Variants in AIG1 observed in about 807,000 individuals in gnomAD.
AIG1 encodes androgen induced 1.
A neutral mutation model predicts 31.4 loss-of-function variants in AIG1; 23 were observed. The ratio of observed to expected loss-of-function variants is 0.73; its 90% CI spans 0.53 to 1.04. AIG1 has a LOEUF of 1.04. Among genes scored for constraint, AIG1 ranks in the 50% least tolerant of loss-of-function variants. AIG1 has a pLI of 0.00. For synonymous variants in AIG1, 100 were observed against 110.5 expected, an observed-to-expected ratio of 0.90 and a Z score of 0.60; for missense variants, 274 against 295.0, an observed-to-expected ratio of 0.93 and a Z score of 0.52.
intron 2 of AIG1, among the ~76,000 whole-genome samples, chr6:143,156,333 G>GTTC (rs1427003106): frequency 2.2e-5 from 1 of 45,194 alleles, no homozygotes. Flanking sequence ...TAAGAACCAT[G>GTTC]GAGTATCTTC....
intron 1 of AIG1, among the ~76,000 whole-genome samples, chr6:143,062,023 A>T (rs551498619): frequency 2.0e-5 from 3 of 152,232 alleles, no homozygotes; most frequent in Admixed American, 1.3e-4. Context: ...AATTCCTGGG[A>T]CTCCCTGAAC....
In AIG1 at chr6:143,334,102, A is replaced by T. The variant is rs1399714631; in HGVS notation, c.679+657A>T. 1 of 1,550,454 alleles carries T rather than the reference A, an allele frequency of 6.4e-7. No individual in the cohort carries two copies. Among genetic ancestry groups the T allele is most frequent in the Admixed American group, 2.0e-5 (1 of 51,010 alleles). Reference sequence around the variant, plus strand: ...GAGCCTCCATCTTGGCAAGGCACGTAATCTTATCCAAGCTGTGCAAAACCT... The same window carrying T: ...GAGCCTCCATCTTGGCAAGGCACGTTATCTTATCCAAGCTGTGCAAAACCT... On this transcript the variant is annotated intron_variant, in intron 5 of 5. Coordinates refer to ENST00000357847, the MANE Select transcript of AIG1 (RefSeq NM_016108.4). This position sits in a 1 kb window ranked among gnomAD's most constrained non-coding sequence, Gnocchi z 5.1.
chr6:143,255,649 T>C (rs532410818), intron 3 of AIG1, among the ~76,000 whole-genome samples: 2 of 152,348 alleles, frequency 1.3e-5, no homozygotes, highest in East Asian at 3.9e-4. Context: ...TCACCCACAT[T>C]ATCCATGGGT....
At chr6:143,068,802 A>G (rs1168391596) in intron 1 of AIG1, among the ~76,000 whole-genome samples, 1 of 152,196 alleles carries the variant, frequency 6.6e-6, no homozygotes, top group South Asian at 2.1e-4. Context: ...ATATATGTAT[A>G]TGTGTGTTCA....
intron 2 of AIG1, among the ~76,000 whole-genome samples, chr6:143,157,067 C>A (rs1349953840): frequency 1.3e-5 from 2 of 152,116 alleles, no homozygotes; most frequent in Non-Finnish European, 1.5e-5. Context: ...GCAGACCTTG[C>A]TTAATTATCT....
intron 3 of AIG1, among the ~76,000 whole-genome samples, chr6:143,216,073 A>G (rs1331878969): frequency 1.3e-5 from 2 of 151,792 alleles, no homozygotes; most frequent in African/African-American, 4.9e-5. Flanking sequence ...CTTGTGATAT[A>G]TATAGCTAAA....
intron 3 of AIG1, among the ~76,000 whole-genome samples, chr6:143,182,082 T>C (rs1788781382): frequency 6.6e-6 from 1 of 152,108 alleles, no homozygotes; most frequent in South Asian, 2.1e-4. Flanking sequence ...CTGAAGTGCA[T>C]TGGTGCAGTC....
upstream of AIG1, among the ~76,000 whole-genome samples, chr6:143,059,546 A>G (rs966346150): frequency 2.0e-5 from 3 of 152,264 alleles, no homozygotes; most frequent in African/African-American, 7.2e-5. Context: ...CATCAATAAT[A>G]CATCGTTTTA....
chr6:143,195,336 A>C (rs1186197175), intron 3 of AIG1, among the ~76,000 whole-genome samples: 2 of 152,166 alleles, frequency 1.3e-5, no homozygotes, highest in Non-Finnish European at 2.9e-5. Context: ...CATACCAAAA[A>C]CTAGTTTAGG....
intron 2 of AIG1, among the ~76,000 whole-genome samples, chr6:143,160,171 A>G (rs564660667): frequency 1.3e-5 from 2 of 152,302 alleles, no homozygotes; most frequent in South Asian, 2.1e-4. Flanking sequence ...TCCAGCCTTT[A>G]TAGACCAATC....
intron 1 of AIG1, among the ~76,000 whole-genome samples, chr6:143,130,142 G>GA (rs1783082228): frequency 6.6e-6 from 1 of 151,726 alleles, no homozygotes; most frequent in Non-Finnish European, 1.5e-5. Context: ...TGTTGGCCAG[G>GA]ATAGTCTTGA....
At chr6:143,216,670 T>C (rs1258102026) in intron 3 of AIG1, among the ~76,000 whole-genome samples, 1 of 152,204 alleles carries the variant, frequency 6.6e-6, no homozygotes, top group African/African-American at 2.4e-5. Context: ...GAATGGCAAA[T>C]TGATTTCTCC....
intron 1 of AIG1, among the ~76,000 whole-genome samples, chr6:143,093,566 T>C (rs1779497034): frequency 6.6e-6 from 1 of 152,228 alleles, no homozygotes; most frequent in African/African-American, 2.4e-5. Flanking sequence ...TTCAATAACT[T>C]TTCCTTTGCA....
intron 1 of AIG1, among the ~76,000 whole-genome samples, chr6:143,065,442 T>C (rs1478360942): frequency 6.6e-6 from 1 of 151,674 alleles, no homozygotes; most frequent in African/African-American, 2.4e-5. Flanking sequence ...TCTTAGTCAA[T>C]ATCACAGCTG....
At chr6:143,194,753 T>A (rs998798755) in intron 3 of AIG1, among the ~76,000 whole-genome samples, 1 of 152,120 alleles carries the variant, frequency 6.6e-6, no homozygotes, top group African/African-American at 2.4e-5. Flanking sequence ...TCACGGCAGG[T>A]GGCCCCCAGC....
intron 2 of AIG1, among the ~76,000 whole-genome samples, chr6:143,157,694 A>T (rs1785932278): frequency 6.6e-6 from 1 of 151,944 alleles, no homozygotes; most frequent in Admixed American, 6.6e-5. Flanking sequence ...TATTTATTTC[A>T]TAAGTTCATT....
chr6:143,232,594 A>G (rs976660171), intron 3 of AIG1, among the ~76,000 whole-genome samples: 15 of 152,146 alleles, frequency 9.9e-5, no homozygotes, highest in African/African-American at 3.6e-4. Context: ...TTGAGGTAAA[A>G]ATTGATTTTT....
chr6:143,255,598 A>T (rs545028195), intron 3 of AIG1, among the ~76,000 whole-genome samples: 3 of 152,180 alleles, frequency 2.0e-5, no homozygotes, highest in Non-Finnish European at 4.4e-5. Flanking sequence ...ATGCTTCACC[A>T]TATGAATTTT....
At chr6:143,311,771 C>CA (rs1047657932) in intron 4 of AIG1, among the ~76,000 whole-genome samples, 39 of 151,944 alleles carry the variant, frequency 2.6e-4, no homozygotes, top group Admixed American at 1.0e-3. Flanking sequence ...GAAAGGAAGT[C>CA]AAATTATCCT....
Sources: gnomAD v4.1 joint callset for allele counts (sites outside exome capture counted in the v4.1 genomes callset) on GRCh38, gnomAD v4.1.1 for gene constraint, Gnocchi (gnomAD v3.1) non-coding constraint, MANE v1.5 for transcripts, NCBI Gene and HGNC (gene_info 2026-07-23, HGNC 2026-07-21) for gene names.